RGS22: variants seen among roughly 807,000 people sequenced by gnomAD.
The protein encoded by RGS22 is regulator of G-protein signaling 22.
In RGS22, 148 loss-of-function variants were observed where a neutral mutation model predicts 172.9. The ratio of observed to expected loss-of-function variants is 0.86; its 90% CI spans 0.75 to 0.98. The LOEUF is 0.98. Among genes scored for constraint, RGS22 ranks in the 50% least tolerant of loss-of-function variants. The pLI is 0.00. For synonymous variants in RGS22, 458 were observed against 480.2 expected (o/e 0.95, Z 0.60); for missense variants, 1,347 against 1,440.8 (o/e 0.93, Z 1.05).
At chr8:99,962,505 A>G in intron 26 of RGS22, 62 bp from the exon 27 acceptor site, 1 of 1,540,632 alleles carries the variant, frequency 6.5e-7, no homozygotes, top group Non-Finnish European at 9.0e-7. Flanking sequence ...GAGGAGAGGA[A>G]CAGAGACAGA....
chr8:99,986,244 T>A (rs566705420), intron 21 of RGS22, among the ~76,000 whole-genome samples: 1 of 152,216 alleles, frequency 6.6e-6, no homozygotes, highest in East Asian at 1.9e-4. Flanking sequence ...AAAAATTGTT[T>A]TTTAATATTA....
intron 14 of RGS22, among the ~76,000 whole-genome samples, chr8:100,020,887 ATAT>A (rs1274082480): frequency 6.6e-6 from 1 of 152,204 alleles, no homozygotes; most frequent in Non-Finnish European, 1.5e-5. Context: ...TATGGGGGAA[ATAT>A]TATATGATGG....
chr8:100,007,868 G>A (rs537575339), intron 15 of RGS22, among the ~76,000 whole-genome samples: 17 of 150,844 alleles, frequency 1.1e-4, no homozygotes, highest in Admixed American at 6.6e-4. Context: ...AAAAATTCAA[G>A]TGGGTAAATA....
intron 2 of RGS22, among the ~76,000 whole-genome samples, chr8:100,093,852 C>A (rs1341762638): frequency 6.6e-6 from 1 of 152,142 alleles, no homozygotes; most frequent in Non-Finnish European, 1.5e-5. Context: ...AAGTTTCACA[C>A]AGACTTATTA....
intron 9 of RGS22, among the ~76,000 whole-genome samples, chr8:100,054,106 A>G (rs929779499): frequency 1.3e-5 from 2 of 152,196 alleles, no homozygotes; most frequent in African/African-American, 4.8e-5. Flanking sequence ...CACAATATTA[A>G]GGCCACACTT....
At chr8:100,053,608 T>C (rs1821932129) in intron 9 of RGS22, among the ~76,000 whole-genome samples, 1 of 152,222 alleles carries the variant, frequency 6.6e-6, no homozygotes, top group African/African-American at 2.4e-5. Flanking sequence ...ATAATAAAAA[T>C]TGTTAGAATA....
At chr8:100,083,830 C>CTTTTTTTTTTTTTT (rs59603032) in intron 3 of RGS22, among the ~76,000 whole-genome samples, 10 of 126,050 alleles carry the variant, frequency 7.9e-5, no homozygotes, top group East Asian at 2.3e-4. Flanking sequence ...AATTTCTTTT[C>CTTTTTTTTTTTTTT]TTTTTTTTTT....
chr8:100,002,462 C>T (rs1815199937), intron 17 of RGS22, 98 bp from the exon 18 acceptor site: 1 of 1,098,584 alleles, frequency 9.1e-7, no homozygotes, highest in Non-Finnish European at 1.3e-6. Context: ...TAGAAAGTGG[C>T]TATCTTGACT....
At position 99,962,375 on chromosome 8, in the gene RGS22, C is replaced by T. The variant is rs1486213866; in HGVS notation, c.*45+19G>A. The T allele has an allele frequency of 8.3e-6, 13 of 1,562,368 alleles. No individual in the cohort carries two copies. In the Admixed American group the frequency reaches 1.8e-4, roughly 22 times the overall value. ...CGAGGACATGTGTGGGACCAACCAA[C>T]ATTCAGACTATGACGTACCTTGAAC... On this transcript the variant is annotated intron_variant, in intron 27 of 27. Coordinates refer to ENST00000360863, the MANE Select transcript of RGS22 (RefSeq NM_015668.5).
In RGS22 at chr8:100,047,472, A is replaced by G. The variant is rs767524848; in HGVS notation, c.1814T>C (p.Ile605Thr). 5.6e-6 allele frequency: 9 copies of G among 1,594,222 alleles called. No homozygotes were observed. In the Admixed American group the frequency reaches 1.6e-4, roughly 29 times the overall value. ...LYPGSSKDDV[I>T]EKGSKYMSES... The stretch of plus-strand genomic sequence containing the variant: ...AAAAAGTTGCACCTACCCTTTCTCA[A>G]TCACATCATCCTTAGAAGAACCTGG... The change falls in exon 11 of 28, where the codon ATT (isoleucine) becomes ACT (threonine). Residue 605 changes from isoleucine (I) to threonine (T), a missense_variant. By Grantham distance (89) the Ile-to-Thr change is moderately conservative. Transcript: ENST00000360863.
intron 17 of RGS22, 146 bp from the exon 18 acceptor site, chr8:100,002,510 G>A: frequency 1.5e-6 from 1 of 664,128 alleles, no homozygotes; most frequent in Non-Finnish European, 2.4e-6. Flanking sequence ...ACCCAATATT[G>A]TATCTCTGAT....
chr8:100,096,461 T>A (rs763859280), intron 2 of RGS22, among the ~76,000 whole-genome samples: 31 of 152,162 alleles, frequency 2.0e-4, no homozygotes, highest in Non-Finnish European at 4.0e-4. Flanking sequence ...GAAAATGAAG[T>A]CAGCTTTTCC....
chr8:99,979,159 CCT>C, intron 22 of RGS22, among the ~76,000 whole-genome samples: 1 of 152,084 alleles, frequency 6.6e-6, no homozygotes. Flanking sequence ...TAAGTAATCC[CCT>C]GTTCCAATGT....
intron 9 of RGS22, 34 bp from the exon 10 acceptor site, chr8:100,053,010 T>A (rs1353184017): frequency 6.3e-7 from 1 of 1,583,096 alleles, no homozygotes; most frequent in Admixed American, 1.7e-5. Context: ...AAGATTGAAC[T>A]AAACAACAAG....
rs568995199 is a variant in RGS22, at chr8:99,979,751, T to C, written c.3361-1676A>G. 2.0e-5 allele frequency among the ~76,000 whole-genome samples: 3 copies of C among 152,352 alleles called. No individual in the cohort carries two copies. In the South Asian group the frequency reaches 6.2e-4, roughly 32 times the overall value. ...TATATTTCTTCTCACATCATTCATTTATGTGTCCAAAAAATGCCTTCTCTA... is the reference window on the plus strand; with the variant it reads ...TATATTTCTTCTCACATCATTCATTCATGTGTCCAAAAAATGCCTTCTCTA... On this transcript the variant is annotated intron_variant, in intron 22 of 27. Transcript: ENST00000360863.
intron 23 of RGS22, among the ~76,000 whole-genome samples, chr8:99,975,768 C>T (rs771391997): frequency 2.0e-5 from 3 of 151,944 alleles, no homozygotes; most frequent in Admixed American, 6.6e-5. Flanking sequence ...GGCTGGTCTC[C>T]AACCCCTGGG....
At position 100,051,421 on chromosome 8, in the gene RGS22, T is replaced by TAC. The variant is rs1181192347; in HGVS notation, c.1689+1379_1689+1380dup. Among the ~76,000 whole-genome samples the TAC allele has an allele frequency of 3.4e-5, 4 of 118,880 alleles. No individual in the cohort carries two copies. The East Asian group carries it at 9.0e-4, about 27-fold the overall frequency. The allele number at this position is 118,880 out of a possible 152,430, so 78.0% of individuals were successfully genotyped here. On this transcript the variant is annotated intron_variant, in intron 10 of 27. Coordinates refer to ENST00000360863, the MANE Select transcript of RGS22 (RefSeq NM_015668.5). ...TATATATATATTTATTATATATATA[T>TAC]ACATTTATATATTTATATATTTATT...
At chr8:100,036,297 A>G (rs113774158) in intron 14 of RGS22, among the ~76,000 whole-genome samples, 3 of 152,236 alleles carry the variant, frequency 2.0e-5, no homozygotes, top group African/African-American at 7.2e-5. Flanking sequence ...CTCCTTGCCA[A>G]CACCATTTAA....
At chr8:100,007,224 A>C (rs1441965232) in intron 15 of RGS22, among the ~76,000 whole-genome samples, 4 of 152,194 alleles carry the variant, frequency 2.6e-5, no homozygotes, top group Non-Finnish European at 4.4e-5. Flanking sequence ...TGTTGAGGAG[A>C]TGTGAACAAA....
Sources: gnomAD v4.1 joint callset for allele counts (sites outside exome capture counted in the v4.1 genomes callset) on GRCh38, gnomAD v4.1.1 for gene constraint, MANE v1.5 for transcripts, NCBI Gene and HGNC (gene_info 2026-07-23, HGNC 2026-07-21) for gene names.